MYO5C: variants seen among roughly 807,000 people sequenced by gnomAD.
MYO5C encodes the protein myosin VC.
Under a neutral mutation model 235.7 loss-of-function variants are expected in MYO5C, and 194 were observed. The observed-to-expected ratio is 0.82, with a 90% CI of 0.73 to 0.93. MYO5C has a LOEUF of 0.93. Ranked by LOEUF, MYO5C falls within the 40% of genes least tolerant of loss-of-function variation. The pLI, the probability that MYO5C is intolerant of heterozygous loss-of-function variation, is 0.00. For synonymous variants in MYO5C, 707 were observed against 754.8 expected, an observed-to-expected ratio of 0.94 and a Z score of 1.04; for missense variants, 2,038 against 2,127.2, an observed-to-expected ratio of 0.96 and a Z score of 0.82.
rs751658786 is a variant in MYO5C, at chr15:52,255,459, G to A, written c.1395+1180C>T. On this transcript the variant is annotated intron_variant, in intron 11 of 40. Coordinates refer to ENST00000261839, the MANE Select transcript of MYO5C (RefSeq NM_018728.4). The stretch of plus-strand genomic sequence containing the variant: ...GCCAAAGTTTAGAATGTAAGCTAAA[G>A]GGAAAATGTGAGTTAGTAAAGCATT... Among the ~76,000 whole-genome samples, 5 of 152,210 alleles carry A rather than the reference G, an allele frequency of 3.3e-5. 1 individual carries two copies. The highest frequency in any genetic ancestry group is 7.3e-5 in the Non-Finnish European group (5 of 68,046).
chr15:52,264,475 T>C (rs4776033), intron 8 of MYO5C, among the ~76,000 whole-genome samples, 179 bp from the exon 9 acceptor site: 147,297 of 152,224 alleles, frequency 0.97, 71,458 homozygotes, highest in East Asian at 1. Flanking sequence ...TCTGTAGACA[T>C]ATACCACATG....
At chr15:52,245,172 C>T (rs969403886) in intron 18 of MYO5C, among the ~76,000 whole-genome samples, 182 bp downstream of exon 18, 37 of 152,340 alleles carry the variant, frequency 2.4e-4, no homozygotes, top group African/African-American at 8.2e-4. Flanking sequence ...CTAACGGGGA[C>T]TCATGGCCCA....
rs201965829 is a variant in MYO5C at position 52,218,606 on chromosome 15, A to G, written c.3867T>C (p.Ser1289=). ...TTTCAAATTGTTTCTTCAAGTGGTC[A>G]CTGGCCTCCTGCATTTCTTGAATCT... ...IDKIQEMQEA[S]DHLKKQFETE... Residue 1289 remains serine, a synonymous_variant, in exon 32 of 41, where the codon AGT becomes AGC. Coordinates refer to ENST00000261839, the MANE Select transcript of MYO5C (RefSeq NM_018728.4). 1,350 of 1,614,192 alleles carry G rather than the reference A, an allele frequency of 8.4e-4. No individual in the cohort carries two copies. The highest frequency in any genetic ancestry group is 1.1e-3 in the Non-Finnish European group (1,261 of 1,180,014).
chr15:52,216,741 T>C (rs2035563471), intron 32 of MYO5C, among the ~76,000 whole-genome samples: 1 of 152,204 alleles, frequency 6.6e-6, no homozygotes, highest in Non-Finnish European at 1.5e-5. Flanking sequence ...AGAATGTGCC[T>C]TTATATGGAA....
At chr15:52,221,831 A>G (rs534102610) in intron 29 of MYO5C, among the ~76,000 whole-genome samples, 1 of 152,322 alleles carries the variant, frequency 6.6e-6, no homozygotes, top group East Asian at 1.9e-4. Context: ...TGAGTGGCTG[A>G]GATCCAGGCC....
At chr15:52,249,465 C>T (rs980683430) in intron 13 of MYO5C, among the ~76,000 whole-genome samples, 8 of 152,174 alleles carry the variant, frequency 5.3e-5, no homozygotes, top group East Asian at 1.9e-4. Flanking sequence ...AAATTAAAAA[C>T]GTATATTAAA....
rs776202119 is a variant in MYO5C at position 52,237,502 on chromosome 15, A to C, written c.2848T>G (p.Tyr950Asp). ...CTGACCTCTTCCACAGCATCCCTGT[A>C]TCTCTTCCCCTTCTCCTCGTAATTT... is the stretch of plus-strand genomic sequence containing the variant. Reference protein sequence around the residue: ...RRNYEEKGKRYRDAVEEKLAK... With the variant: ...RRNYEEKGKRDRDAVEEKLAK... Residue 950 changes from tyrosine (Y) to aspartate (D), a missense_variant, in exon 22 of 41, where the codon TAC (tyrosine) becomes GAC (aspartate). Transcript: ENST00000261839. 2 of 1,614,080 alleles carry C rather than the reference A, an allele frequency of 1.2e-6. No homozygotes were observed. Among genetic ancestry groups the C allele is most frequent in the Non-Finnish European group, 8.5e-7 (1 of 1,179,998 alleles).
intron 10 of MYO5C, among the ~76,000 whole-genome samples, chr15:52,259,270 AT>A (rs2036641778): frequency 6.6e-6 from 1 of 152,096 alleles, no homozygotes; most frequent in Non-Finnish European, 1.5e-5. Flanking sequence ...AATAAAAAAA[AT>A]CAGCCGGGCG....
chr15:52,285,416 CCCT>C (rs1163546706), intron 1 of MYO5C, among the ~76,000 whole-genome samples: 7 of 56,772 alleles, frequency 1.2e-4, no homozygotes, highest in Non-Finnish European at 2.4e-4. Context: ...TCCCTCCTCT[CCCT>C]CCTCTCCCTC....
chr15:52,247,162 G>A lies in MYO5C; in HGVS notation c.1882-148C>T, dbSNP rs1053014744. 28 of 693,508 alleles carry A rather than the reference G, an allele frequency of 4.0e-5. 1 individual carries two copies. In the Middle Eastern group the frequency reaches 9.9e-4, roughly 24 times the overall value. 43.0% of individuals were successfully genotyped at this position (693,508 alleles called of 1,614,324 possible). The stretch of plus-strand genomic sequence containing the variant: ...CACCTATTATGAAAGGTTTCAGTCC[G>A]TGACTGTGGTTTATCAGCATGTCCT... On this transcript the variant is annotated intron_variant, in intron 15 of 40. Transcript: ENST00000261839.
At chr15:52,247,077 A>G (rs2036365583) in intron 15 of MYO5C, 63 bp from the exon 16 acceptor site, 1 of 1,422,572 alleles carries the variant, frequency 7.0e-7, no homozygotes, top group Non-Finnish European at 9.8e-7. Context: ...CATCACGGTA[A>G]AAAGCAGCCC....
At chr15:52,286,143 G>A (rs1488768666) in intron 1 of MYO5C, among the ~76,000 whole-genome samples, 1 of 150,550 alleles carries the variant, frequency 6.6e-6, no homozygotes, top group Non-Finnish European at 1.5e-5. Context: ...GAAGTGAGGA[G>A]TCCCTCCGCC....
chr15:52,261,492 CCCTTTGAACCAT>C (rs1807414357), intron 9 of MYO5C, among the ~76,000 whole-genome samples: 1 of 152,242 alleles, frequency 6.6e-6, no homozygotes, highest in South Asian at 2.1e-4. Flanking sequence ...CCTCTCTCTT[CCCTTTGAACCAT>C]CCTGGGCCAC....
chr15:52,241,980 G>T (rs2036234923), intron 20 of MYO5C, 68 bp downstream of exon 20: 1 of 1,485,720 alleles, frequency 6.7e-7, no homozygotes, highest in Non-Finnish European at 9.0e-7. Context: ...CTTTCCCTGG[G>T]CCCTGTTTTG....
At chr15:52,272,478 T>A (rs1221100312) in intron 6 of MYO5C, 102 bp downstream of exon 6, 2 of 1,146,588 alleles carry the variant, frequency 1.7e-6, no homozygotes, top group Non-Finnish European at 2.5e-6. Flanking sequence ...AAAACCCTAC[T>A]CTTCAACTCA....
At chr15:52,227,267 T>C (rs1321444179) in intron 25 of MYO5C, among the ~76,000 whole-genome samples, 1 of 136,052 alleles carries the variant, frequency 7.4e-6, no homozygotes, top group Non-Finnish European at 1.6e-5. Flanking sequence ...CAATCTCGGC[T>C]CACTGCAACC....
At chr15:52,249,422 G>A (rs556406344) in intron 13 of MYO5C, among the ~76,000 whole-genome samples, 16 of 152,228 alleles carry the variant, frequency 1.1e-4, no homozygotes, top group African/African-American at 3.9e-4. Flanking sequence ...CCTCTGGATT[G>A]CATATCTTAA....
chr15:52,275,001 G>A (rs2037009757), intron 5 of MYO5C, among the ~76,000 whole-genome samples: 1 of 152,182 alleles, frequency 6.6e-6, no homozygotes, highest in South Asian at 2.1e-4. Flanking sequence ...CTTCCTTGAG[G>A]GCTGTCTCCT....
At chr15:52,194,098 G>GGAA in intron 40 of MYO5C, 44 bp from the exon 41 acceptor site, 1 of 1,590,440 alleles carries the variant, frequency 6.3e-7, no homozygotes, top group Non-Finnish European at 8.6e-7. Flanking sequence ...AAACTAACAT[G>GGAA]TTCTGCTTTA....
Sources: allele counts gnomAD v4.1 joint callset (sites outside exome capture counted in the v4.1 genomes callset), GRCh38; gene constraint gnomAD v4.1.1; transcripts MANE v1.5; gene names NCBI Gene and HGNC (gene_info 2026-07-23, HGNC 2026-07-21).